MYT1L: variants seen among roughly 807,000 people sequenced by gnomAD.
MYT1L encodes the protein myelin transcription factor 1-like protein.
MYT1L carries 12 observed loss-of-function variants against 126.7 expected under a neutral mutation model. The observed-to-expected ratio is 0.09, with a 90% confidence interval of 0.06 to 0.15. The LOEUF is 0.15. Ranked by LOEUF, MYT1L falls within the 10% of genes least tolerant of loss-of-function variation. MYT1L has a pLI of 1.00. For missense variants in MYT1L, 979 were observed against 1,585.2 expected (o/e 0.62, Z 6.49); for synonymous variants, 541 against 604.2 (o/e 0.90, Z 1.53).
At chr2:2,008,777 C>A (rs2063556674) in intron 4 of MYT1L, among the ~76,000 whole-genome samples, 1 of 151,966 alleles carries the variant, frequency 6.6e-6, no homozygotes. Context: ...GGAGATTTTT[C>A]CCAACATTTT....
chr2:2,199,899 A>T (rs1308173325), intron 2 of MYT1L, among the ~76,000 whole-genome samples: 1 of 152,118 alleles, frequency 6.6e-6, no homozygotes, highest in Non-Finnish European at 1.5e-5. Flanking sequence ...GAACTTCTGA[A>T]AATAAAATGC....
chr2:1,934,339 A>G (rs1175362014), intron 9 of MYT1L, among the ~76,000 whole-genome samples: 2 of 140,600 alleles, frequency 1.4e-5, no homozygotes, highest in African/African-American at 5.2e-5. Context: ...ATAGATATGT[A>G]TTCATATGAC....
intron 3 of MYT1L, among the ~76,000 whole-genome samples, chr2:2,116,417 C>G (rs917926568): frequency 2.0e-5 from 3 of 152,218 alleles, no homozygotes; most frequent in Admixed American, 2.0e-4. Context: ...AGATCTCAAT[C>G]ACAGTGATGA....
intron 4 of MYT1L, among the ~76,000 whole-genome samples, chr2:2,049,745 G>A (rs2068604767): frequency 1.3e-5 from 2 of 152,112 alleles, no homozygotes; most frequent in African/African-American, 4.8e-5. Flanking sequence ...AGATCTGATG[G>A]TTTTATAAGA....
intron 2 of MYT1L, among the ~76,000 whole-genome samples, chr2:2,216,327 G>A (rs1448851985): frequency 6.6e-6 from 1 of 152,084 alleles, no homozygotes; most frequent in Non-Finnish European, 1.5e-5. Context: ...CGACCACAGT[G>A]GAGTTAGATA....
chr2:2,068,769 G>C (rs920980459), intron 3 of MYT1L, among the ~76,000 whole-genome samples: 338 of 26,182 alleles, frequency 0.013, no homozygotes, highest in Middle Eastern at 0.042. Flanking sequence ...TGTTCTTCTT[G>C]TTTTTTTTTT....
chr2:2,149,443 T>C (rs148510949), intron 3 of MYT1L, among the ~76,000 whole-genome samples: 1 of 152,356 alleles, frequency 6.6e-6, no homozygotes, highest in African/African-American at 2.4e-5. Context: ...CAATGGGGAC[T>C]GACTTGCCCA....
At chr2:2,072,886 A>T (rs2074772234) in intron 3 of MYT1L, among the ~76,000 whole-genome samples, 1 of 152,190 alleles carries the variant, frequency 6.6e-6, no homozygotes, top group Non-Finnish European at 1.5e-5. Flanking sequence ...AACTGAGTCA[A>T]TTAAACCTCT....
intron 2 of MYT1L, among the ~76,000 whole-genome samples, chr2:2,191,297 G>A (rs988617311): frequency 3.3e-5 from 5 of 152,224 alleles, no homozygotes; most frequent in Non-Finnish European, 7.3e-5. Flanking sequence ...CCAGGTCGCA[G>A]GAGAGGATAA....
intron 3 of MYT1L, among the ~76,000 whole-genome samples, chr2:2,094,868 A>T (rs557452307): frequency 6.6e-6 from 1 of 152,168 alleles, no homozygotes; most frequent in East Asian, 1.9e-4. Context: ...AAATGTATAC[A>T]TATGTAACTA....
At chr2:1,842,800 C>T (rs2041928462) in intron 19 of MYT1L, 1 of 156,892 alleles carries the variant, frequency 6.4e-6, no homozygotes, top group Non-Finnish European at 1.4e-5. Flanking sequence ...CCGGGTGCGT[C>T]CTTGCTGAGT....
intron 1 of MYT1L, among the ~76,000 whole-genome samples, chr2:2,322,775 A>G (rs1451401333): frequency 6.6e-6 from 1 of 152,208 alleles, no homozygotes. Context: ...AAAAGCAGCT[A>G]TATTAATCAT....
intron 23 of MYT1L, chr2:1,795,651 C>CAA (rs1171829843): frequency 6.6e-6 from 1 of 152,268 alleles, no homozygotes; most frequent in Admixed American, 6.5e-5. Context: ...CGGCCGTCAT[C>CAA]AATGATGTGC....
In MYT1L at chr2:1,848,663, G is replaced by T. The variant is rs752252378; in HGVS notation, c.2774+2978C>A. ...CTACTTGCATTTCTGGCCACCAAGA[G>T]CCAACAGACCTTTAAGAGTTTCCTT... On this transcript the variant is annotated intron_variant, in intron 19 of 24. Transcript: ENST00000647738. This position sits in a 1 kb window ranked among gnomAD's most constrained non-coding sequence, Gnocchi z 4.8. 3.3e-5 allele frequency among the ~76,000 whole-genome samples: 5 copies of T among 152,154 alleles called. No individual in the cohort carries two copies. The highest frequency in any genetic ancestry group is 7.4e-5 in the Non-Finnish European group (5 of 68,026).
intron 3 of MYT1L, among the ~76,000 whole-genome samples, chr2:2,156,679 A>G (rs2148371705): frequency 6.6e-6 from 1 of 152,262 alleles, no homozygotes; most frequent in Middle Eastern, 3.4e-3. Context: ...GCAGAGGTGA[A>G]GGAAGGAAGG....
chr2:2,182,124 T>C (rs1348058991), intron 2 of MYT1L, among the ~76,000 whole-genome samples: 2 of 151,562 alleles, frequency 1.3e-5, no homozygotes, highest in African/African-American at 4.9e-5. Context: ...CACGCCCCAC[T>C]CTGACCGCAC....
chr2:1,915,240 TTC>T (rs1466449322), intron 11 of MYT1L, among the ~76,000 whole-genome samples: 2 of 152,208 alleles, frequency 1.3e-5, no homozygotes, highest in Non-Finnish European at 2.9e-5. Flanking sequence ...ATGGATGGAA[TTC>T]TCTAATTGTT....
chr2:1,855,823 G>GTC (rs10689797), intron 18 of MYT1L, among the ~76,000 whole-genome samples: 41,051 of 151,440 alleles, frequency 0.27, 6,256 homozygotes, highest in African/African-American at 0.43. Context: ...TTCATCTCTG[G>GTC]TCATGGGTTT....
intron 3 of MYT1L, among the ~76,000 whole-genome samples, chr2:2,084,575 C>A (rs537992024): frequency 6.6e-6 from 1 of 152,248 alleles, no homozygotes; most frequent in South Asian, 2.1e-4. Context: ...TCAGAGAAAC[C>A]GAGTCCTGGC....
Sources: allele counts gnomAD v4.1 joint callset (sites outside exome capture counted in the v4.1 genomes callset), GRCh38; gene constraint gnomAD v4.1.1; non-coding constraint Gnocchi (gnomAD v3.1); transcripts MANE v1.5; gene names NCBI Gene and HGNC (gene_info 2026-07-23, HGNC 2026-07-21).